WDR27: variants seen among roughly 807,000 people sequenced by gnomAD.
WDR27 encodes WD repeat-containing protein 27.
WDR27 carries 100 observed loss-of-function variants against 114.4 expected under a neutral mutation model. The observed-to-expected ratio is 0.87, with a 90% CI of 0.74 to 1.03. The LOEUF (loss-of-function observed/expected upper bound fraction) is 1.03, where lower values mean the gene tolerates loss of function less well. Among genes scored for constraint, WDR27 ranks in the 50% least tolerant of loss-of-function variants. WDR27 has a pLI of 0.00. For missense variants in WDR27, 1,129 were observed against 1,092.9 expected (o/e 1.03, Z -0.47); for synonymous variants, 449 against 423.1 (o/e 1.06, Z -0.75).
intron 25 of WDR27, among the ~76,000 whole-genome samples, chr6:169,462,367 G>A (rs1376353380): frequency 2.0e-5 from 3 of 152,008 alleles, no homozygotes; most frequent in African/African-American, 7.3e-5. Context: ...AACCTGGGAG[G>A]TGGAGGCTGC....
chr6:169,463,553 A>G (rs889819224), intron 25 of WDR27, among the ~76,000 whole-genome samples: 1 of 152,230 alleles, frequency 6.6e-6, no homozygotes, highest in Non-Finnish European at 1.5e-5. Flanking sequence ...GCATTTGGGC[A>G]TGCAAAATAA....
chr6:169,676,397 T>C (rs747088019), intron 2 of WDR27, among the ~76,000 whole-genome samples: 1 of 152,204 alleles, frequency 6.6e-6, no homozygotes, highest in Non-Finnish European at 1.5e-5. Flanking sequence ...TAACATCACA[T>C]GACAGATAAA....
At chr6:169,453,297 C>G (rs1030548579), downstream of WDR27, among the ~76,000 whole-genome samples, 2 of 152,132 alleles carry the variant, frequency 1.3e-5, no homozygotes, top group African/African-American at 4.8e-5. Flanking sequence ...TTAAGTTGAT[C>G]CCATTTTCCA....
the WDR27 span, among the ~76,000 whole-genome samples, chr6:169,448,503 C>T: frequency 6.6e-6 from 1 of 152,038 alleles, no homozygotes; most frequent in African/African-American, 2.4e-5. Flanking sequence ...AAGGCACACA[C>T]CTGTACTCAG....
At chr6:169,429,081 T>G in the WDR27 span, among the ~76,000 whole-genome samples, 72,945 of 151,746 alleles carry the variant, frequency 0.48, 19,224 homozygotes, top group Non-Finnish European at 0.6. Context: ...CAGCAGCCCC[T>G]CTCCTGCAGC....
intron 25 of WDR27, among the ~76,000 whole-genome samples, chr6:169,501,308 A>T (rs576378844): frequency 2.0e-5 from 3 of 152,282 alleles, no homozygotes; most frequent in Admixed American, 6.5e-5. Flanking sequence ...CAGCAGGAGA[A>T]GCTGGGCCAG....
Position 169,636,364 on chromosome 6 carries a change from T to A in WDR27, c.2003+7A>T, listed in dbSNP as rs748729402. Reference sequence around the variant, plus strand: ...TAAAAATAATGCACAGGGCGGGGGGTGCCTACCTCTTAATCTCATCTTTGC... The same window carrying A: ...TAAAAATAATGCACAGGGCGGGGGGAGCCTACCTCTTAATCTCATCTTTGC... On this transcript the variant is annotated splice_region_variant and intron_variant, in intron 19 of 25. Coordinates refer to ENST00000448612, the MANE Select transcript of WDR27 (RefSeq NM_182552.5). 3.7e-6 allele frequency: 6 copies of A among 1,613,454 alleles called. No individual in the cohort carries two copies. Among genetic ancestry groups the A allele is most frequent in the Non-Finnish European group, 5.1e-6 (6 of 1,179,754 alleles).
In WDR27 at chr6:169,548,873, T is replaced by C. The variant is rs1165100266; in HGVS notation, c.2645+23546A>G. Among the ~76,000 whole-genome samples, 3 of 152,302 alleles carry C rather than the reference T, an allele frequency of 2.0e-5. No homozygotes were observed. In the South Asian group the frequency reaches 6.2e-4, roughly 32 times the overall value. On this transcript the variant is annotated intron_variant, in intron 25 of 25. Coordinates refer to ENST00000448612, the MANE Select transcript of WDR27 (RefSeq NM_182552.5). The stretch of plus-strand genomic sequence containing the variant: ...GCAAAAAAACAAATGAATCTGGACA[T>C]AGACCTTACACCCTTCACACAAAAG...
intron 13 of WDR27, 54 bp from the exon 14 acceptor site, chr6:169,652,062 G>A: frequency 2.7e-6 from 4 of 1,501,424 alleles, no homozygotes; most frequent in Non-Finnish European, 3.7e-6. Context: ...AGCATCTCAT[G>A]ATGGACATGA....
chr6:169,493,027 A>G lies in WDR27; in HGVS notation c.2646-35393T>C, dbSNP rs62422453. Among the ~76,000 whole-genome samples, 1,440 of 152,206 alleles carry G rather than the reference A, an allele frequency of 9.5e-3. 14 individuals carry two copies. The highest frequency in any genetic ancestry group is 0.016 in the Non-Finnish European group (1,058 of 67,928). On this transcript the variant is annotated intron_variant, in intron 25 of 25. Transcript: ENST00000448612. ...GAAATAGCAGAATTCATATGTAGAA[A>G]TAAGTCGGAAATTCCTTGGTCCAAA...
intron 25 of WDR27, among the ~76,000 whole-genome samples, chr6:169,567,944 G>T (rs1202131967): frequency 6.6e-6 from 1 of 152,220 alleles, no homozygotes; most frequent in Non-Finnish European, 1.5e-5. Context: ...AAAGCTGGGA[G>T]GAAGGGCCGC....
chr6:169,491,665 G>C (rs544926721), intron 25 of WDR27, among the ~76,000 whole-genome samples: 11 of 152,122 alleles, frequency 7.2e-5, no homozygotes, highest in Non-Finnish European at 1.6e-4. Context: ...CACATTCCAC[G>C]AAAGACCAGA....
chr6:169,516,788 AAC>A (rs3032851), intron 25 of WDR27, among the ~76,000 whole-genome samples: 6,715 of 119,170 alleles, frequency 0.056, 272 homozygotes, highest in African/African-American at 0.13. Context: ...GGCATGCTCC[AAC>A]ACACACACAC....
At chr6:169,583,257 T>C (rs917619598) in intron 23 of WDR27, among the ~76,000 whole-genome samples, 2 of 143,034 alleles carry the variant, frequency 1.4e-5, no homozygotes, top group Admixed American at 1.4e-4. Context: ...GGAAGGAGTA[T>C]AGATTCTGTA....
At chr6:169,587,319 A>G (rs1439886067) in intron 23 of WDR27, among the ~76,000 whole-genome samples, 4 of 150,924 alleles carry the variant, frequency 2.7e-5, no homozygotes, top group Non-Finnish European at 5.9e-5. Flanking sequence ...CCTGGGCTCA[A>G]GCGATTCTCC....
intron 25 of WDR27, among the ~76,000 whole-genome samples, chr6:169,540,541 T>G (rs1796715286): frequency 2.0e-5 from 3 of 151,900 alleles, no homozygotes; most frequent in African/African-American, 4.8e-5. Context: ...GCAATTCTCC[T>G]GCCTCAGCCT....
At chr6:169,695,929 C>T (rs372456736) in intron 1 of WDR27, among the ~76,000 whole-genome samples, 66 of 152,248 alleles carry the variant, frequency 4.3e-4, no homozygotes, top group South Asian at 4.1e-3. Context: ...GGAGCTGAGG[C>T]CTGTGGTGGC....
intron 23 of WDR27, among the ~76,000 whole-genome samples, chr6:169,593,877 AAAAAAC>A (rs1806264671): frequency 8.0e-5 from 3 of 37,450 alleles, no homozygotes; most frequent in South Asian, 1.6e-3. Context: ...ACAAACAAAC[AAAAAAC>A]AAAAAACACA....
At chr6:169,634,315 A>C (rs570598872) in intron 20 of WDR27, 113 bp downstream of exon 20, 1 of 682,258 alleles carries the variant, frequency 1.5e-6, no homozygotes, top group Admixed American at 3.0e-5. Flanking sequence ...GGGTCCCTGC[A>C]TTCCCGGAGC....
Sources: allele counts gnomAD v4.1 joint callset (sites outside exome capture counted in the v4.1 genomes callset), GRCh38; gene constraint gnomAD v4.1.1; transcripts MANE v1.5; gene names NCBI Gene and HGNC (gene_info 2026-07-23, HGNC 2026-07-21).